PTPRD: variants seen among roughly 807,000 people sequenced by gnomAD.
PTPRD encodes receptor-type tyrosine-protein phosphatase delta.
A neutral mutation model predicts 214.5 loss-of-function variants in PTPRD; 34 were observed. The ratio of observed to expected loss-of-function variants is 0.16; its 90% CI spans 0.12 to 0.21. PTPRD has a LOEUF of 0.21. Among genes scored for constraint, PTPRD ranks in the 10% least tolerant of loss-of-function variants. The pLI, the probability that PTPRD is intolerant of heterozygous loss-of-function variation, is 1.00. For synonymous variants in PTPRD, 1,128 were observed against 845.7 expected (o/e 1.33, Z -5.79); for missense variants, 2,545 against 2,398.7 (o/e 1.06, Z -1.27).
intron 39 of PTPRD, among the ~76,000 whole-genome samples, chr9:8,360,172 T>G (rs2078116885): frequency 1.3e-5 from 2 of 152,206 alleles, no homozygotes; most frequent in African/African-American, 4.8e-5. Flanking sequence ...AAGATAGACG[T>G]AAAAGTAATT....
chr9:8,531,251 T>TGGGATGCAAATTAGGC (rs1460635448), intron 14 of PTPRD, among the ~76,000 whole-genome samples: 1 of 152,048 alleles, frequency 6.6e-6, no homozygotes, highest in African/African-American at 2.4e-5. Flanking sequence ...AAATTAAAAG[T>TGGGATGCAAATTAGGC]GGGATGCAAA....
intron 2 of PTPRD, among the ~76,000 whole-genome samples, chr9:10,587,983 A>G (rs994975279): frequency 2.6e-5 from 4 of 152,096 alleles, no homozygotes; most frequent in Non-Finnish European, 4.4e-5. Context: ...CTCATATATC[A>G]GGGTTATCCT....
At chr9:9,382,615 C>T (rs968647924) in intron 9 of PTPRD, among the ~76,000 whole-genome samples, 17 of 151,992 alleles carry the variant, frequency 1.1e-4, no homozygotes, top group African/African-American at 4.1e-4. Context: ...CACTTCACAT[C>T]TGTTAGGATG....
chr9:10,046,175 A>G lies in PTPRD; in HGVS notation c.-544-12385T>C, dbSNP rs896475054. On this transcript the variant is annotated intron_variant, in intron 3 of 45. Transcript: ENST00000381196. The stretch of plus-strand genomic sequence containing the variant: ...TTAAGCGGCTTTTCCAGATGACTTC[A>G]TTAGTGACAATAGATAAACACACAA... Among the ~76,000 whole-genome samples, 5 of 151,852 alleles carry G rather than the reference A, an allele frequency of 3.3e-5. No homozygotes were observed. In the East Asian group the frequency reaches 5.8e-4, roughly 18 times the overall value.
chr9:10,476,670 C>T (rs1328950261), intron 2 of PTPRD, among the ~76,000 whole-genome samples: 5 of 152,006 alleles, frequency 3.3e-5, no homozygotes, highest in African/African-American at 9.7e-5. Flanking sequence ...AAAAATAGCC[C>T]ATATAGCCAA....
chr9:8,327,691 A>G (rs1006790567), intron 44 of PTPRD, among the ~76,000 whole-genome samples: 1 of 152,106 alleles, frequency 6.6e-6, no homozygotes, highest in Non-Finnish European at 1.5e-5. Flanking sequence ...GTAGGTCTCT[A>G]AGAACTTGCT....
intron 39 of PTPRD, among the ~76,000 whole-genome samples, chr9:8,355,990 C>T (rs890923201): frequency 1.3e-5 from 2 of 152,100 alleles, no homozygotes; most frequent in African/African-American, 4.8e-5. Flanking sequence ...CATACATACA[C>T]ATAAATTTAA....
chr9:9,938,989 G>A (rs1334730251), intron 4 of PTPRD, among the ~76,000 whole-genome samples: 1 of 147,640 alleles, frequency 6.8e-6, no homozygotes, highest in East Asian at 2.0e-4. Flanking sequence ...AGCTGATGTT[G>A]AAAATAATTC....
chr9:10,570,240 A>G (rs2066999147), intron 2 of PTPRD, among the ~76,000 whole-genome samples: 2 of 152,176 alleles, frequency 1.3e-5, no homozygotes, highest in South Asian at 4.1e-4. Context: ...ATCCAAGGAT[A>G]TCCATCTTGT....
chr9:10,461,128 A>G (rs1329129840), intron 2 of PTPRD, among the ~76,000 whole-genome samples: 1 of 152,052 alleles, frequency 6.6e-6, no homozygotes. Flanking sequence ...AATGTCTAAC[A>G]AGGACATGAA....
At chr9:9,954,721 T>C (rs1484819444) in intron 4 of PTPRD, among the ~76,000 whole-genome samples, 2 of 152,134 alleles carry the variant, frequency 1.3e-5, no homozygotes, top group Non-Finnish European at 2.9e-5. Flanking sequence ...CTATTTTTTA[T>C]ATCAATTTCT....
At chr9:8,634,076 C>T (rs2096349170) in intron 13 of PTPRD, among the ~76,000 whole-genome samples, 1 of 151,860 alleles carries the variant, frequency 6.6e-6, no homozygotes, top group Non-Finnish European at 1.5e-5. Context: ...GCATTTTCTG[C>T]ATTTTTAGAG....
At chr9:8,755,515 G>T (rs552627596) in intron 11 of PTPRD, among the ~76,000 whole-genome samples, 1 of 142,310 alleles carries the variant, frequency 7.0e-6, no homozygotes. Flanking sequence ...GGCAACAAGA[G>T]TGAAACTCTG....
chr9:9,261,704 G>T (rs1030565447), intron 9 of PTPRD, among the ~76,000 whole-genome samples: 6 of 151,046 alleles, frequency 4.0e-5, no homozygotes, highest in African/African-American at 9.7e-5. Flanking sequence ...GTGAATCAAG[G>T]CACTGTAATG....
At chr9:9,292,145 G>T (rs1026322404) in intron 9 of PTPRD, among the ~76,000 whole-genome samples, 1 of 149,958 alleles carries the variant, frequency 6.7e-6, no homozygotes, top group African/African-American at 2.4e-5. Context: ...TCCTGAAAAC[G>T]TTTCATTCTC....
chr9:9,821,349 GGGTAT>G (rs1480145063), intron 5 of PTPRD, among the ~76,000 whole-genome samples: 1 of 152,082 alleles, frequency 6.6e-6, no homozygotes, highest in Non-Finnish European at 1.5e-5. Flanking sequence ...TGGCTTCTTG[GGGTAT>G]GTGGTAGGGT....
At chr9:9,422,746 A>T (rs2079275377) in intron 8 of PTPRD, among the ~76,000 whole-genome samples, 1 of 152,114 alleles carries the variant, frequency 6.6e-6, no homozygotes, top group Non-Finnish European at 1.5e-5. Flanking sequence ...AGGGATTGAG[A>T]TCCTGACGAG....
chr9:8,372,911 C>G (rs1177546694), intron 39 of PTPRD, among the ~76,000 whole-genome samples: 3 of 152,078 alleles, frequency 2.0e-5, no homozygotes, highest in African/African-American at 7.2e-5. Context: ...CTCCTCCATT[C>G]TCACAGGATA....
chr9:10,156,932 T>C (rs913596046), intron 3 of PTPRD, among the ~76,000 whole-genome samples: 1 of 152,218 alleles, frequency 6.6e-6, no homozygotes, highest in Admixed American at 6.5e-5. Flanking sequence ...GTCTGTTTTG[T>C]CTGAAACTAG....
Sources: allele counts gnomAD v4.1 joint callset (sites outside exome capture counted in the v4.1 genomes callset), GRCh38; gene constraint gnomAD v4.1.1; transcripts MANE v1.5; gene names NCBI Gene and HGNC (gene_info 2026-07-23, HGNC 2026-07-21).